PARVB: variants seen among roughly 807,000 people sequenced by gnomAD.
PARVB encodes the protein beta-parvin.
Under a neutral mutation model 47.0 loss-of-function variants are expected in PARVB, and 46 were observed. The observed-to-expected ratio is 0.98, with a 90% CI of 0.77 to 1.25. PARVB has a LOEUF of 1.25. PARVB is among the 50% of genes most tolerant of loss of function. The pLI, the probability that PARVB is intolerant of heterozygous loss-of-function variation, is 0.00. For synonymous variants in PARVB, 196 were observed against 196.3 expected (o/e 1.00, Z 0.01); for missense variants, 473 against 471.6 (o/e 1.00, Z -0.03).
chr22:44,056,685 TTGTTGAGATGGGGTTTCACTA>T (rs1269772755), intron 1 of PARVB, among the ~76,000 whole-genome samples: 3 of 151,474 alleles, frequency 2.0e-5, no homozygotes, highest in Non-Finnish European at 4.4e-5. Flanking sequence ...TTTTAATTAT[TTGTTGAGATGGGGTTTCACTA>T]TGTTGCCCAG....
chr22:44,150,674 T>C (rs1156527538), intron 9 of PARVB: 1 of 151,718 alleles, frequency 6.6e-6, no homozygotes, highest in Non-Finnish European at 1.5e-5. Flanking sequence ...TGATCCTCAG[T>C]GGTCTGGGGT....
In PARVB at chr22:44,089,298, A is replaced by T. The variant is rs1332517410; in HGVS notation, c.113-4630A>T. On this transcript the variant is annotated intron_variant, in intron 1 of 12. Coordinates refer to ENST00000338758, the MANE Select transcript of PARVB (RefSeq NM_013327.5). This position sits in a 1 kb window ranked among gnomAD's most constrained non-coding sequence, Gnocchi z 4.0. Reference sequence around the variant, plus strand: ...TCATCTTAGAACAATGCAGACACTTAGGAAAACAAGCACAAGGCGGTCTTT... The same window carrying T: ...TCATCTTAGAACAATGCAGACACTTTGGAAAACAAGCACAAGGCGGTCTTT... 1 of 152,278 alleles carries T rather than the reference A, an allele frequency of 6.6e-6. No homozygotes were observed. The allele number at this position is 152,278 out of a possible 1,614,324, so 9.4% of individuals were successfully genotyped here.
chr22:44,005,168 C>T (rs986634097), intron 2 of PARVB, among the ~76,000 whole-genome samples: 2 of 152,074 alleles, frequency 1.3e-5, no homozygotes, highest in African/African-American at 2.4e-5. Context: ...GGCACAATCA[C>T]GGCTCACTGC....
At chr22:44,088,503 G>A (rs1269635494) in intron 1 of PARVB, among the ~76,000 whole-genome samples, 6 of 152,058 alleles carry the variant, frequency 3.9e-5, no homozygotes, top group East Asian at 1.9e-4. Flanking sequence ...ACGGAGTCTC[G>A]CTGTGTTGCC....
rs917171948 is a variant in PARVB at position 44,045,253 on chromosome 22, C to CTAAA, written c.112+20817_112+20820dup. ...TGGGTGACAAAGAGAGAGTCTCTGT[C>CTAAA]TAAATAAATAAATAAATACATACAT... On this transcript the variant is annotated intron_variant, in intron 1 of 12. Coordinates refer to ENST00000338758, the MANE Select transcript of PARVB (RefSeq NM_013327.5). Among the ~76,000 whole-genome samples the CTAAA allele has an allele frequency of 1.1e-3, 167 of 152,284 alleles. 1 individual carries two copies. The highest frequency in any genetic ancestry group is 3.4e-3 in the Middle Eastern group (1 of 294).
At chr22:44,033,395 G>C (rs1001110691) in intron 1 of PARVB, among the ~76,000 whole-genome samples, 3 of 152,182 alleles carry the variant, frequency 2.0e-5, no homozygotes, top group Admixed American at 6.5e-5. Context: ...CGTGTGCAGA[G>C]AAGCAGGTGT....
chr22:44,079,181 C>A (rs2051843993), intron 1 of PARVB, among the ~76,000 whole-genome samples: 1 of 152,108 alleles, frequency 6.6e-6, no homozygotes. Flanking sequence ...GTGCTTGGTC[C>A]ACCATAGATG....
At chr22:44,077,783 G>T (rs2051810507) in intron 1 of PARVB, among the ~76,000 whole-genome samples, 1 of 152,014 alleles carries the variant, frequency 6.6e-6, no homozygotes, top group Admixed American at 6.5e-5. Flanking sequence ...ATCCAGGCTG[G>T]TGTGCAATGG....
rs2054255904 is a variant in PARVB at position 44,170,450 on chromosome 22, G to T, written c.*1772G>T. On this transcript the variant is annotated 3_prime_UTR_variant, in exon 13 of 13. Transcript: ENST00000338758. Reference sequence around the variant, plus strand: ...GGTTAGGACTTCAGCATGTGGATTTGTGGGGGGCATAATTTGCCTTGTACC... The same window carrying T: ...GGTTAGGACTTCAGCATGTGGATTTTTGGGGGGCATAATTTGCCTTGTACC... 1 of 152,248 alleles carries T rather than the reference G, an allele frequency of 6.6e-6. No homozygotes were observed. 9.4% of individuals were successfully genotyped at this position (152,248 alleles called of 1,614,324 possible). A position where few individuals can be genotyped will look rare whatever the true frequency, so the allele number is the denominator to read the frequency against.
rs573914235 is a variant in PARVB at position 44,038,323 on chromosome 22, G to A, written c.112+13872G>A. Among the ~76,000 whole-genome samples the A allele has an allele frequency of 1.2e-3, 181 of 152,324 alleles. 1 individual carries two copies. Among genetic ancestry groups the A allele is most frequent in the Admixed American group, 1.8e-3 (28 of 15,296 alleles). ...AGTGGTTAGGGTGACTGCTCTTGAG[G>A]CCAGACTGCATGGGCTTGAACTGAT... On this transcript the variant is annotated intron_variant, in intron 1 of 12. Coordinates refer to ENST00000338758, the MANE Select transcript of PARVB (RefSeq NM_013327.5).
At chr22:44,157,905 AT>A (rs1569161283) in intron 10 of PARVB, 76 bp from the exon 11 acceptor site, 8 of 987,392 alleles carry the variant, frequency 8.1e-6, no homozygotes, top group Non-Finnish European at 1.3e-5. Context: ...AAGAAAAAAT[AT>A]GCCCCCCTTA....
Position 44,092,423 on chromosome 22 carries a change from T to C in PARVB, c.113-1505T>C, listed in dbSNP as rs2052192412. ...CGCACCCGACCTGGGTTATTTCTAC[T>C]TTTGGGCTATTTTGAGTCCTGCAGC... On this transcript the variant is annotated intron_variant, in intron 1 of 12. Coordinates refer to ENST00000338758, the MANE Select transcript of PARVB (RefSeq NM_013327.5). Among the ~76,000 whole-genome samples the C allele has an allele frequency of 3.9e-5, 6 of 152,326 alleles. No homozygotes were observed. In the South Asian group the frequency reaches 1.2e-3, roughly 32 times the overall value.
chr22:44,099,571 T>C (rs2052392670), intron 2 of PARVB, among the ~76,000 whole-genome samples: 1 of 152,240 alleles, frequency 6.6e-6, no homozygotes, highest in South Asian at 2.1e-4. Context: ...TTCTGCATGT[T>C]ATTTTACATA....
chr22:44,151,530 G>A lies in PARVB; in HGVS notation c.822G>A (p.Glu274=), dbSNP rs1330154045. 1.9e-6 allele frequency: 3 copies of A among 1,613,806 alleles called. No homozygotes were observed. The South Asian group carries it at 3.3e-5, about 18-fold the overall frequency. The change falls in exon 10 of 13, where the codon GAG becomes GAA. Residue 274 remains glutamate (E), a synonymous_variant. Coordinates refer to ENST00000338758, the MANE Select transcript of PARVB (RefSeq NM_013327.5). Reference sequence around the variant, plus strand: ...AGCACCTGAACAAGCTGAATTTGGAGGTGACGGAACTGGAGACCCAGGTAT... The same window carrying A: ...AGCACCTGAACAAGCTGAATTTGGAAGTGACGGAACTGGAGACCCAGGTAT... The part of the protein sequence containing the change: ...VNKHLNKLNL[E]VTELETQFAD...
Position 44,125,593 on chromosome 22 carries a change from T to A in PARVB, c.377-5894T>A, listed in dbSNP as rs1183932849. 1.3e-5 allele frequency among the ~76,000 whole-genome samples: 2 copies of A among 152,008 alleles called. No individual in the cohort carries two copies. ...TGAGGCTCTAAAGCGAGAAAGAGCC[T>A]GTTGTGTTGGAGGAGCAGTGAAAAG... is the stretch of plus-strand genomic sequence containing the variant. On this transcript the variant is annotated intron_variant, in intron 4 of 12. Coordinates refer to ENST00000338758, the MANE Select transcript of PARVB (RefSeq NM_013327.5). The surrounding 1 kb of genome is among the most constrained non-coding windows in gnomAD (Gnocchi z 4.1).
At chr22:44,118,241 C>T (rs546156979) in intron 3 of PARVB, among the ~76,000 whole-genome samples, 21 of 152,278 alleles carry the variant, frequency 1.4e-4, no homozygotes, top group African/African-American at 3.9e-4. Flanking sequence ...GAAAGAAGGA[C>T]GGAAACATGC....
chr22:44,107,619 C>A (rs979389708), intron 3 of PARVB: 3 of 152,166 alleles, frequency 2.0e-5, no homozygotes, highest in African/African-American at 7.2e-5. Flanking sequence ...GTCCTACCCA[C>A]CCCCAGCCTC....
chr22:44,100,271 A>G, intron 3 of PARVB, 148 bp downstream of exon 3: 2 of 682,758 alleles, frequency 2.9e-6, no homozygotes, highest in Non-Finnish European at 5.2e-6. Context: ...ACATGTTGGC[A>G]GAGGAGGACG....
intron 4 of PARVB, among the ~76,000 whole-genome samples, chr22:44,123,149 T>A (rs2053108485): frequency 6.6e-6 from 1 of 152,354 alleles, no homozygotes; most frequent in South Asian, 2.1e-4. Context: ...TTCCCTGGAC[T>A]GTTCAGTGTG....
Sources: gnomAD v4.1 joint callset for allele counts (sites outside exome capture counted in the v4.1 genomes callset) on GRCh38, gnomAD v4.1.1 for gene constraint, Gnocchi (gnomAD v3.1) non-coding constraint, MANE v1.5 for transcripts, NCBI Gene and HGNC (gene_info 2026-07-23, HGNC 2026-07-21) for gene names.